SRGAP2: variants seen among roughly 807,000 people sequenced by gnomAD.
SRGAP2 encodes the protein SLIT-ROBO Rho GTPase activating protein 2.
Under a neutral mutation model 57.2 loss-of-function variants are expected in SRGAP2, and 15 were observed. The ratio of observed to expected loss-of-function variants is 0.26; its 90% CI spans 0.18 to 0.40. SRGAP2 has a LOEUF of 0.40. SRGAP2 is among the 10% of genes least tolerant of loss of function. SRGAP2 has a pLI of 1.00. For missense variants in SRGAP2, 520 were observed against 669.6 expected, an observed-to-expected ratio of 0.78 and a Z score of 2.47; for synonymous variants, 249 against 248.0, an observed-to-expected ratio of 1.00 and a Z score of -0.04.
intron 2 of SRGAP2, among the ~76,000 whole-genome samples, chr1:206,290,600 C>T (rs1323286708): frequency 7.9e-6 from 1 of 126,764 alleles, no homozygotes; most frequent in East Asian, 2.4e-4. Flanking sequence ...TGAGATTGCT[C>T]TATTGCACTC....
chr1:206,419,765 G>T (rs1464957468), intron 12 of SRGAP2, among the ~76,000 whole-genome samples: 2 of 151,634 alleles, frequency 1.3e-5, no homozygotes, highest in African/African-American at 4.8e-5. Flanking sequence ...GGGCTCTGGG[G>T]AGTCTCTGAC....
At chr1:206,411,010 G>A (rs966391058) in intron 10 of SRGAP2, among the ~76,000 whole-genome samples, 38 of 152,168 alleles carry the variant, frequency 2.5e-4, no homozygotes, top group African/African-American at 8.2e-4. Flanking sequence ...GCAGGCACAC[G>A]CCACCACGCC....
At chr1:206,257,565 G>A (rs1211363012) in intron 2 of SRGAP2, among the ~76,000 whole-genome samples, 6 of 141,046 alleles carry the variant, frequency 4.3e-5, no homozygotes, top group African/African-American at 1.6e-4. Context: ...GAGGGAGGGA[G>A]ACTAGAGGCA....
At position 206,266,966 on chromosome 1, in the gene SRGAP2, CTTTTTTT is replaced by C. The variant is rs1197579154; in HGVS notation, c.68-36301_68-36295del. On this transcript the variant is annotated intron_variant, in intron 2 of 22. Transcript: ENST00000573034. ...CTAGAAATCTTTCCAGCAAAACTTA[CTTTTTTT>C]TTTTTTTTTTTTTGAGACGGAGTCT... Among the ~76,000 whole-genome samples the C allele has an allele frequency of 2.3e-3, 159 of 70,076 alleles. 1 individual carries two copies. The highest frequency in any genetic ancestry group is 9.3e-3 in the African/African-American group (147 of 15,732). The allele number at this position is 70,076 out of a possible 152,430, so 46.0% of individuals were successfully genotyped here. A position where few individuals can be genotyped will look rare whatever the true frequency, so the allele number is the denominator to read the frequency against.
At chr1:206,372,989 CTTTCTTTCTTTCTT>C (rs1654802213) in intron 4 of SRGAP2, among the ~76,000 whole-genome samples, 1 of 91,432 alleles carries the variant, frequency 1.1e-5, no homozygotes, top group East Asian at 3.7e-4. Flanking sequence ...TTCTTTCTTT[CTTTCTTTCTTTCTT>C]TCTTTCTTTC....
intron 4 of SRGAP2, among the ~76,000 whole-genome samples, chr1:206,371,636 C>T (rs1202087364): frequency 5.3e-5 from 8 of 151,218 alleles, no homozygotes; most frequent in Admixed American, 5.3e-4. Flanking sequence ...GAGGCTGAGG[C>T]AGGAGAATGG....
At chr1:206,304,088 A>G (rs1672046569) in intron 3 of SRGAP2, among the ~76,000 whole-genome samples, 1 of 152,056 alleles carries the variant, frequency 6.6e-6, no homozygotes, top group African/African-American at 2.4e-5. Flanking sequence ...GCTAAGGTCT[A>G]TTTCTTCTAC....
intron 4 of SRGAP2, among the ~76,000 whole-genome samples, chr1:206,366,693 C>T (rs1253078309): frequency 6.6e-6 from 1 of 151,306 alleles, no homozygotes; most frequent in Non-Finnish European, 1.5e-5. Context: ...TGCTCTGCTC[C>T]TTGCTTCTCT....
chr1:206,359,766 G>A lies in SRGAP2; in HGVS notation c.423+16758G>A, dbSNP rs542234213. The stretch of plus-strand genomic sequence containing the variant: ...ATCAGATGATGATAAAATGAAACAG[G>A]GCAAAGAGGATGGGGTACAAGGGAT... On this transcript the variant is annotated intron_variant, in intron 4 of 22. Coordinates refer to ENST00000573034, the MANE Select transcript of SRGAP2 (RefSeq NM_015326.5). 1.4e-4 allele frequency among the ~76,000 whole-genome samples: 21 copies of A among 145,302 alleles called. No individual in the cohort carries two copies. The East Asian group carries it at 4.1e-3, about 29-fold the overall frequency.
In SRGAP2 at chr1:206,341,966, C is replaced by T. The variant is rs576666164; in HGVS notation, c.261-880C>T. ...TGAGCCAAGATTGTGCCACTGTACT[C>T]CAGCCTGGGTGACAGAGTGAGACTT... On this transcript the variant is annotated intron_variant, in intron 3 of 22. Transcript: ENST00000573034. 3.3e-5 allele frequency among the ~76,000 whole-genome samples: 5 copies of T among 152,160 alleles called. No individual in the cohort carries two copies. The South Asian group carries it at 1.0e-3, about 32-fold the overall frequency.
chr1:206,210,592 C>T (rs1436366190), intron 2 of SRGAP2, among the ~76,000 whole-genome samples: 2 of 149,350 alleles, frequency 1.3e-5, no homozygotes, highest in African/African-American at 5.0e-5. Context: ...AAACTGGAGT[C>T]GTATTGTGTG....
intron 5 of SRGAP2, among the ~76,000 whole-genome samples, chr1:206,389,981 T>C (rs1307783919): frequency 2.6e-5 from 4 of 151,266 alleles, no homozygotes; most frequent in Admixed American, 2.6e-4. Context: ...CATATGTATA[T>C]GTACATAGAT....
At chr1:206,373,018 TTTCTTTCTTTTC>T (rs1654830651) in intron 4 of SRGAP2, among the ~76,000 whole-genome samples, 1 of 121,508 alleles carries the variant, frequency 8.2e-6, no homozygotes, top group African/African-American at 3.1e-5. Context: ...TCTTTCTTTC[TTTCTTTCTTTTC>T]TTTCTCTCTC....
Position 206,454,307 on chromosome 1 carries a change from T to G in SRGAP2, c.2361-571T>G. The G allele has an allele frequency of 1.5e-6, 1 of 652,958 alleles. No individual in the cohort carries two copies. Among genetic ancestry groups the G allele is most frequent in the South Asian group, 1.7e-5 (1 of 59,284 alleles). 40.4% of individuals were successfully genotyped at this position (652,958 alleles called of 1,614,324 possible). A position where few individuals can be genotyped will look rare whatever the true frequency, so the allele number is the denominator to read the frequency against. ...ACTTCACCACAGGATCAAGAGAAGA[T>G]GAATTGTGGGGGAGAAGGGGCTTTC... On this transcript the variant is annotated intron_variant, in intron 20 of 22. Transcript: ENST00000573034. This position sits in a 1 kb window ranked among gnomAD's most constrained non-coding sequence, Gnocchi z 4.3.
At chr1:206,431,731 T>C (rs1661293679) in intron 14 of SRGAP2, among the ~76,000 whole-genome samples, 1 of 152,196 alleles carries the variant, frequency 6.6e-6, no homozygotes, top group Admixed American at 6.5e-5. Flanking sequence ...TTGGTGAATG[T>C]CATGAAGAAA....
intron 2 of SRGAP2, among the ~76,000 whole-genome samples, chr1:206,240,265 CAAAA>C (rs72152960): frequency 3.6e-5 from 3 of 84,100 alleles, no homozygotes; most frequent in Non-Finnish European, 4.8e-5. Context: ...GACAACGTCT[CAAAA>C]AAAAAAAAAA....
intron 2 of SRGAP2, among the ~76,000 whole-genome samples, chr1:206,260,486 T>C (rs1350278921): frequency 2.0e-5 from 3 of 152,088 alleles, no homozygotes; most frequent in East Asian, 3.8e-4. Flanking sequence ...CTCTTAATAG[T>C]TCCTTATATA....
intron 3 of SRGAP2, among the ~76,000 whole-genome samples, chr1:206,313,357 A>G (rs1179382276): frequency 7.2e-6 from 1 of 138,612 alleles, no homozygotes; most frequent in Non-Finnish European, 1.5e-5. Context: ...GGCTATATGT[A>G]GTAAGTACTA....
In SRGAP2 at chr1:206,363,973, A is replaced by C. The variant is rs1476628218; in HGVS notation, c.424-20041A>C. Among the ~76,000 whole-genome samples, 445 of 150,878 alleles carry C rather than the reference A, an allele frequency of 2.9e-3. 1 individual carries two copies. Among genetic ancestry groups the C allele is most frequent in the African/African-American group, 0.011 (430 of 40,912 alleles). ...ATTTTTAGCATGCTTGTTAACTGAA[A>C]CAATCCTACTAGCGGATTTTACCAA... On this transcript the variant is annotated intron_variant, in intron 4 of 22. Transcript: ENST00000573034.
Sources: allele counts gnomAD v4.1 joint callset (sites outside exome capture counted in the v4.1 genomes callset), GRCh38; gene constraint gnomAD v4.1.1; non-coding constraint Gnocchi (gnomAD v3.1); transcripts MANE v1.5; gene names NCBI Gene and HGNC (gene_info 2026-07-23, HGNC 2026-07-21).